TTC6: variants seen among roughly 807,000 people sequenced by gnomAD.
TTC6 encodes tetratricopeptide repeat protein 6.
Under a neutral mutation model 210.4 loss-of-function variants are expected in TTC6, and 172 were observed. The observed-to-expected ratio is 0.82, with a 90% confidence interval of 0.72 to 0.93. The LOEUF (loss-of-function observed/expected upper bound fraction) is 0.93. Among genes scored for constraint, TTC6 ranks in the 40% least tolerant of loss-of-function variants. TTC6 has a pLI of 0.00. For missense variants in TTC6, 2,414 were observed against 2,318.1 expected (o/e 1.04, Z -0.85); for synonymous variants, 804 against 819.6 (o/e 0.98, Z 0.32).
chr14:37,649,540 C>T (rs2095707498), intron 1 of TTC6, among the ~76,000 whole-genome samples: 1 of 152,198 alleles, frequency 6.6e-6, no homozygotes, highest in South Asian at 2.1e-4. Flanking sequence ...TCCCGAATCA[C>T]TTGTCATTTA....
At position 37,682,819 on chromosome 14, in the gene TTC6, T is replaced by C. The variant is rs767775554; in HGVS notation, c.1112T>C (p.Ile371Thr). The change falls in exon 3 of 31, where the codon ATA becomes ACA. Residue 371 changes from isoleucine to threonine, a missense_variant. Ile to Thr is a moderately conservative substitution (Grantham distance 89). Coordinates refer to ENST00000553443, the Ensembl canonical transcript of TTC6. Reference sequence around the variant, plus strand: ...ATTCTCCAGATTGAACAAGAGGATATAGAATGGGGACCCTCAGAAGCAGAA... The same window carrying C: ...ATTCTCCAGATTGAACAAGAGGATACAGAATGGGGACCCTCAGAAGCAGAA... 9 of 1,535,612 alleles carry C rather than the reference T, an allele frequency of 5.9e-6. No individual in the cohort carries two copies. The South Asian group carries it at 7.1e-5, about 12-fold the overall frequency.
intron 8 of TTC6, among the ~76,000 whole-genome samples, chr14:37,736,725 A>T (rs960683289): frequency 6.6e-6 from 1 of 152,104 alleles, no homozygotes; most frequent in African/African-American, 2.4e-5. Flanking sequence ...CAATTAGGAC[A>T]TGGTTTTATT....
At chr14:37,793,210 T>C (rs2096084505) in intron 17 of TTC6, among the ~76,000 whole-genome samples, 1 of 152,186 alleles carries the variant, frequency 6.6e-6, no homozygotes, top group South Asian at 2.1e-4. Flanking sequence ...GCTTCGCTTG[T>C]GTTTAGAATA....
At chr14:37,651,819 G>A (rs764374915) in intron 1 of TTC6, among the ~76,000 whole-genome samples, 9 of 152,044 alleles carry the variant, frequency 5.9e-5, no homozygotes, top group East Asian at 1.9e-4. Context: ...AAAGTATAGC[G>A]GGCACAAATG....
At chr14:37,761,504 G>C (rs141749207) in intron 14 of TTC6, among the ~76,000 whole-genome samples, 35 of 152,102 alleles carry the variant, frequency 2.3e-4, no homozygotes, top group African/African-American at 8.0e-4. Context: ...ATCCAGAAAA[G>C]TGTACAAAAT....
chr14:37,637,052 A>G (rs2095682191), intron 1 of TTC6, among the ~76,000 whole-genome samples: 1 of 152,028 alleles, frequency 6.6e-6, no homozygotes, highest in Admixed American at 6.6e-5. Context: ...ATTTCAACAA[A>G]TGGTTCTGGA....
At chr14:37,791,113 T>G (rs751729193) in intron 16 of TTC6, among the ~76,000 whole-genome samples, 1 of 152,152 alleles carries the variant, frequency 6.6e-6, no homozygotes, top group African/African-American at 2.4e-5. Flanking sequence ...TCAATACTAT[T>G]GAGGATTTTG....
At chr14:37,804,574 G>A in intron 20 of TTC6, 106 bp from the exon 23 acceptor site, 4 of 1,387,364 alleles carry the variant, frequency 2.9e-6, no homozygotes, top group South Asian at 1.4e-5. Context: ...TAAAGTAAGA[G>A]TAGAGGTGTG....
At position 37,825,597 on chromosome 14, in the gene TTC6, A is replaced by G. The variant is rs1208856658; in HGVS notation, c.4975-598A>G. On this transcript the variant is annotated intron_variant, in intron 27 of 30. Transcript: ENST00000553443. Reference sequence around the variant, plus strand: ...GCACTCTGACATCGTTCTGTTAACAATGCCCCTCTCCTGACCTTTTTCTTT... The same window carrying G: ...GCACTCTGACATCGTTCTGTTAACAGTGCCCCTCTCCTGACCTTTTTCTTT... Among the ~76,000 whole-genome samples, 4 of 152,218 alleles carry G rather than the reference A, an allele frequency of 2.6e-5. No individual in the cohort carries two copies. The East Asian group carries it at 7.7e-4, about 29-fold the overall frequency.
chr14:37,802,248 G>T (rs993216529), intron 20 of TTC6: 1 of 152,078 alleles, frequency 6.6e-6, no homozygotes, highest in Non-Finnish European at 1.5e-5. Context: ...AAAAGGGTGC[G>T]GGGAGACAGA....
At chr14:37,785,716 G>T (rs547946501) in intron 14 of TTC6, among the ~76,000 whole-genome samples, 7 of 152,302 alleles carry the variant, frequency 4.6e-5, no homozygotes, top group African/African-American at 1.7e-4. Context: ...TTTTTAGAAT[G>T]TTCAGCTTTT....
chr14:37,775,094 G>C (rs937196592), intron 14 of TTC6, among the ~76,000 whole-genome samples: 3 of 152,020 alleles, frequency 2.0e-5, no homozygotes, highest in Admixed American at 2.0e-4. Flanking sequence ...TGTCATTTTT[G>C]ATTGTGTCTG....
chr14:37,607,295 G>A (rs1171141786), intron 2 of TTC6, among the ~76,000 whole-genome samples: 1 of 152,170 alleles, frequency 6.6e-6, no homozygotes, highest in Admixed American at 6.5e-5. Context: ...GTCCTTGTGT[G>A]TTCCCCAAGG....
intron 1 of TTC6, among the ~76,000 whole-genome samples, chr14:37,655,180 T>C (rs1021267651): frequency 2.6e-5 from 4 of 152,156 alleles, no homozygotes; most frequent in African/African-American, 7.2e-5. Flanking sequence ...GCAAGAATCA[T>C]GGCCAAATAC....
rs904456734 is a variant in TTC6, at chr14:37,698,643, C to T, written c.1376+1808C>T. On this transcript the variant is annotated intron_variant, in intron 4 of 30. Coordinates refer to ENST00000553443, the Ensembl canonical transcript of TTC6. ...GACTTACCTCTCTTTTCCTCTTTCA[C>T]ATGAACACATTTCATATCCTATTTT... Among the ~76,000 whole-genome samples the T allele has an allele frequency of 1.1e-3, 170 of 152,242 alleles. 1 individual carries two copies. Among genetic ancestry groups the T allele is most frequent in the Non-Finnish European group, 2.5e-4 (17 of 68,032 alleles).
chr14:37,736,500 T>A (rs1449976513), intron 8 of TTC6, among the ~76,000 whole-genome samples: 1 of 152,186 alleles, frequency 6.6e-6, no homozygotes, highest in Non-Finnish European at 1.5e-5. Context: ...GCAGGATATT[T>A]GTTGTGAGTT....
chr14:37,828,578 T>A (rs1039615295), intron 29 of TTC6, among the ~76,000 whole-genome samples: 1 of 152,058 alleles, frequency 6.6e-6, no homozygotes, highest in African/African-American at 2.4e-5. Context: ...TTTATTAATG[T>A]TTTCCCCAGA....
chr14:37,792,275 T>C, exon 17 of TTC6: 2 of 1,509,936 alleles, frequency 1.3e-6, no homozygotes, highest in Non-Finnish European at 1.8e-6. Context: ...ACTATTACTT[T>C]GGCTTATGTA....
chr14:37,676,537 G>C (rs1051996521), intron 1 of TTC6, among the ~76,000 whole-genome samples: 8 of 151,820 alleles, frequency 5.3e-5, no homozygotes, highest in Non-Finnish European at 1.0e-4. Flanking sequence ...TCTTCATCGT[G>C]TCCTCAATGC....
Sources: gnomAD v4.1 joint callset for allele counts (sites outside exome capture counted in the v4.1 genomes callset) on GRCh38, gnomAD v4.1.1 for gene constraint, MANE v1.5 for transcripts, NCBI Gene and HGNC (gene_info 2026-07-23, HGNC 2026-07-21) for gene names.